Variants in CCSER1 observed in about 807,000 individuals in gnomAD.
The protein encoded by CCSER1 is serine-rich coiled-coil domain-containing protein 1.
In CCSER1, 41 loss-of-function variants were observed where a neutral mutation model predicts 82.0. The observed-to-expected ratio is 0.50, with a 90% CI of 0.39 to 0.65. The LOEUF is 0.65. Ranked by LOEUF, CCSER1 falls within the 30% of genes least tolerant of loss-of-function variation. CCSER1 has a pLI of 0.00. For synonymous variants in CCSER1, 414 were observed against 383.9 expected (o/e 1.08, Z -0.92); for missense variants, 1,119 against 1,064.2 (o/e 1.05, Z -0.72).
At chr4:91,468,411 G>A (rs1757060849) in intron 10 of CCSER1, among the ~76,000 whole-genome samples, 2 of 151,958 alleles carry the variant, frequency 1.3e-5, no homozygotes, top group Non-Finnish European at 2.9e-5. Context: ...TAAATGATGA[G>A]TTAATGGGTG....
At chr4:91,445,950 A>C (rs1315524447) in intron 10 of CCSER1, among the ~76,000 whole-genome samples, 2 of 152,140 alleles carry the variant, frequency 1.3e-5, no homozygotes, top group Non-Finnish European at 2.9e-5. Flanking sequence ...ATTGATTCTT[A>C]ATACTGATAA....
At chr4:90,534,441 TTGTGTGTGTGTGTGTGTGTGTGTG>T (rs376987549) in intron 5 of CCSER1, among the ~76,000 whole-genome samples, 11 of 136,466 alleles carry the variant, frequency 8.1e-5, no homozygotes, top group Non-Finnish European at 1.6e-4. Context: ...TGCCAGCCTT[TTGTGTGTGTGTGTGTGTGTGTGTG>T]TGTGTGTGTG....
At chr4:90,296,382 C>T (rs566251303) in intron 1 of CCSER1, among the ~76,000 whole-genome samples, 1 of 151,946 alleles carries the variant, frequency 6.6e-6, no homozygotes, top group Non-Finnish European at 1.5e-5. Flanking sequence ...GTTGTAGATT[C>T]TGGATATTAG....
In CCSER1 at chr4:90,666,881, G is replaced by T. The variant is rs142414885; in HGVS notation, c.1932+38649G>T. 7.2e-5 allele frequency among the ~76,000 whole-genome samples: 11 copies of T among 152,278 alleles called. No homozygotes were observed. The East Asian group carries it at 1.9e-3, about 27-fold the overall frequency. ...CACAAAGAACATTATGGGCATGGGA[G>T]CGTCAGACAGAGATGGCAGAGAGTG... On this transcript the variant is annotated intron_variant, in intron 6 of 10. Coordinates refer to ENST00000509176, the MANE Select transcript of CCSER1 (RefSeq NM_001145065.2).
At chr4:91,200,266 T>C (rs575891663) in intron 10 of CCSER1, among the ~76,000 whole-genome samples, 10 of 152,230 alleles carry the variant, frequency 6.6e-5, no homozygotes, top group Admixed American at 3.3e-4. Context: ...TATATGTTAT[T>C]GATTATTTAA....
intron 9 of CCSER1, among the ~76,000 whole-genome samples, chr4:91,024,190 G>C (rs947779418): frequency 2.4e-4 from 36 of 152,124 alleles, no homozygotes; most frequent in African/African-American, 8.4e-4. Context: ...TCTCAATACT[G>C]CTACATTAGA....
intron 5 of CCSER1, among the ~76,000 whole-genome samples, chr4:90,583,920 T>A (rs1443193107): frequency 6.6e-6 from 1 of 152,154 alleles, no homozygotes; most frequent in African/African-American, 2.4e-5. Context: ...TTAATTGGAA[T>A]ATATTATTTT....
intron 10 of CCSER1, among the ~76,000 whole-genome samples, chr4:91,365,892 CT>C (rs938893465): frequency 2.5e-4 from 38 of 152,286 alleles, no homozygotes; most frequent in African/African-American, 8.7e-4. Context: ...GAGAAGTTCC[CT>C]ATGGCTTTGT....
chr4:90,731,892 G>A (rs2149405543), intron 7 of CCSER1, among the ~76,000 whole-genome samples: 1 of 152,280 alleles, frequency 6.6e-6, no homozygotes, highest in South Asian at 2.1e-4. Context: ...GTTCTTGTGT[G>A]AGGTTTTAAA....
At chr4:91,145,129 C>A (rs1729418930) in intron 10 of CCSER1, among the ~76,000 whole-genome samples, 1 of 152,062 alleles carries the variant, frequency 6.6e-6, no homozygotes. Context: ...GTTTATGAAT[C>A]TGGGTCCTCC....
intron 10 of CCSER1, among the ~76,000 whole-genome samples, chr4:91,092,381 G>A (rs1290624975): frequency 6.6e-6 from 1 of 152,150 alleles, no homozygotes; most frequent in Non-Finnish European, 1.5e-5. Flanking sequence ...CCCACCCAGA[G>A]TAAGTACACA....
At chr4:91,402,797 G>A (rs1011916438) in intron 10 of CCSER1, among the ~76,000 whole-genome samples, 2 of 152,140 alleles carry the variant, frequency 1.3e-5, no homozygotes, top group Non-Finnish European at 2.9e-5. Context: ...GGTTACTGTA[G>A]CCTTGTAGTA....
intron 3 of CCSER1, among the ~76,000 whole-genome samples, chr4:90,336,715 G>C (rs772492348): frequency 6.6e-6 from 1 of 152,166 alleles, no homozygotes; most frequent in Non-Finnish European, 1.5e-5. Context: ...TGTCAAGAAA[G>C]TAGCAATCCT....
chr4:91,568,397 A>G (rs1037839909), intron 10 of CCSER1, among the ~76,000 whole-genome samples: 1 of 151,038 alleles, frequency 6.6e-6, no homozygotes, highest in Non-Finnish European at 1.5e-5. Context: ...TGGCCTCTCT[A>G]ACAAGGTTTG....
In CCSER1 at chr4:90,369,351, AGAG is replaced by A. The variant is rs1169593451; in HGVS notation, c.1510-30679_1510-30677del. ...GGAAGAAAGAAGAAGAAGAAAGAAA[AGAG>A]GAGGAAAAGGAAAAGAAGGAAGAGG... On this transcript the variant is annotated intron_variant, in intron 3 of 10. Transcript: ENST00000509176. Among the ~76,000 whole-genome samples the A allele has an allele frequency of 1.4e-4, 14 of 102,164 alleles. 3 individuals carry two copies. Among genetic ancestry groups the A allele is most frequent in the African/African-American group, 4.5e-4 (10 of 22,288 alleles). The allele number at this position is 102,164 out of a possible 152,430, so 67.0% of individuals were successfully genotyped here.
chr4:90,914,679 C>G (rs1158162221), intron 8 of CCSER1, among the ~76,000 whole-genome samples: 2 of 147,612 alleles, frequency 1.4e-5, no homozygotes, highest in Non-Finnish European at 3.0e-5. Flanking sequence ...CACAAAAAAC[C>G]CTTCAAAAAA....
chr4:90,335,108 A>G (rs1262062611), intron 3 of CCSER1, among the ~76,000 whole-genome samples: 1 of 152,190 alleles, frequency 6.6e-6, no homozygotes, highest in African/African-American at 2.4e-5. Flanking sequence ...TTCTGAAATC[A>G]ACTACCTTAT....
chr4:90,346,005 A>G (rs1742265363), intron 3 of CCSER1, among the ~76,000 whole-genome samples: 1 of 151,864 alleles, frequency 6.6e-6, no homozygotes, highest in Non-Finnish European at 1.5e-5. Context: ...CTGTGGTCTA[A>G]CCACTCTTTC....
intron 3 of CCSER1, among the ~76,000 whole-genome samples, chr4:90,326,887 T>G (rs1738319870): frequency 1.3e-5 from 2 of 152,196 alleles, no homozygotes; most frequent in African/African-American, 4.8e-5. Flanking sequence ...CATCTCAATA[T>G]GAAGCATCTC....
Sources: allele counts gnomAD v4.1 joint callset (sites outside exome capture counted in the v4.1 genomes callset), GRCh38; gene constraint gnomAD v4.1.1; transcripts MANE v1.5; gene names NCBI Gene and HGNC (gene_info 2026-07-23, HGNC 2026-07-21).